The following PTPRD variants were observed in gnomAD, a reference collection of about 807,000 sequenced individuals.
The protein encoded by PTPRD is protein tyrosine phosphatase receptor type D.
A neutral mutation model predicts 214.5 loss-of-function variants in PTPRD; 34 were observed. The observed-to-expected ratio is 0.16, with a 90% CI of 0.12 to 0.21. The LOEUF is 0.21. Ranked by LOEUF, PTPRD falls within the 10% of genes least tolerant of loss-of-function variation. The pLI is 1.00. For missense variants in PTPRD, 2,545 were observed against 2,398.7 expected (o/e 1.06, Z -1.27); for synonymous variants, 1,128 against 845.7 (o/e 1.33, Z -5.79).
At chr9:9,599,680 T>C (rs1164313103) in intron 7 of PTPRD, among the ~76,000 whole-genome samples, 1 of 152,120 alleles carries the variant, frequency 6.6e-6, no homozygotes, top group Non-Finnish European at 1.5e-5. Context: ...CATGTCTTAA[T>C]TCATATTTCT....
chr9:10,456,915 G>C (rs989082395), intron 2 of PTPRD, among the ~76,000 whole-genome samples: 3 of 151,802 alleles, frequency 2.0e-5, no homozygotes, highest in Non-Finnish European at 4.4e-5. Flanking sequence ...GTTTAAATCA[G>C]TAGCTAGGAA....
At chr9:9,377,658 G>GA (rs2061142454) in intron 9 of PTPRD, among the ~76,000 whole-genome samples, 1 of 152,060 alleles carries the variant, frequency 6.6e-6, no homozygotes, top group Admixed American at 6.6e-5. Flanking sequence ...GGATGACTAT[G>GA]AAAAATCCCT....
intron 4 of PTPRD, among the ~76,000 whole-genome samples, chr9:9,947,464 CTATATAT>C (rs1308397966): frequency 1.1e-4 from 2 of 18,838 alleles, no homozygotes; most frequent in African/African-American, 3.5e-4. Context: ...TTTATATATA[CTATATAT>C]TATATATATT....
intron 7 of PTPRD, among the ~76,000 whole-genome samples, chr9:9,658,754 G>A (rs2096569018): frequency 6.6e-6 from 1 of 152,112 alleles, no homozygotes; most frequent in Admixed American, 6.6e-5. Context: ...CGGCACTGCT[G>A]GGAAATCTTT....
At chr9:8,934,577 C>G (rs776864364) in intron 11 of PTPRD, among the ~76,000 whole-genome samples, 3 of 134,582 alleles carry the variant, frequency 2.2e-5, no homozygotes, top group Non-Finnish European at 4.6e-5. Flanking sequence ...GAAATGATTA[C>G]CAGCATCAAG....
intron 7 of PTPRD, among the ~76,000 whole-genome samples, chr9:9,580,760 G>A (rs2090541140): frequency 1.3e-5 from 2 of 151,710 alleles, no homozygotes; most frequent in Admixed American, 1.3e-4. Flanking sequence ...CGTTGGCCAG[G>A]GTGGTCTCAA....
At chr9:10,118,358 TCA>T (rs2098748165) in intron 3 of PTPRD, among the ~76,000 whole-genome samples, 2 of 151,504 alleles carry the variant, frequency 1.3e-5, no homozygotes, top group Non-Finnish European at 3.0e-5. Flanking sequence ...TTTTTGGCAA[TCA>T]TGCCAAAAGA....
At chr9:9,215,406 T>G (rs1333795416) in intron 9 of PTPRD, among the ~76,000 whole-genome samples, 3 of 152,134 alleles carry the variant, frequency 2.0e-5, no homozygotes, top group Non-Finnish European at 1.5e-5. Flanking sequence ...AAAAATACCC[T>G]GCCTACCACA....
intron 12 of PTPRD, among the ~76,000 whole-genome samples, chr9:8,665,529 A>C (rs184531600): frequency 2.0e-5 from 3 of 152,228 alleles, no homozygotes; most frequent in African/African-American, 7.2e-5. Context: ...TCAACTGTTA[A>C]GTCACTTACC....
chr9:8,500,050 CAAA>C (rs34424655), intron 24 of PTPRD, among the ~76,000 whole-genome samples: 916 of 78,342 alleles, frequency 0.012, 10 homozygotes, highest in East Asian at 0.063. Flanking sequence ...ATGACCGATG[CAAA>C]AAAAAAAAAA....
intron 10 of PTPRD, among the ~76,000 whole-genome samples, chr9:9,112,769 G>C (rs950525459): frequency 6.6e-6 from 1 of 152,076 alleles, no homozygotes; most frequent in Non-Finnish European, 1.5e-5. Flanking sequence ...GGAAATCAGG[G>C]TTCTGAATCC....
intron 3 of PTPRD, among the ~76,000 whole-genome samples, chr9:10,222,136 T>G (rs928383738): frequency 5.3e-5 from 8 of 152,062 alleles, no homozygotes; most frequent in African/African-American, 1.7e-4. Flanking sequence ...AAACTGAAAG[T>G]TTTCAGAATT....
At position 8,642,429 on chromosome 9, in the gene PTPRD, T is replaced by C. The variant is rs866012615; in HGVS notation, c.65-5585A>G. Among the ~76,000 whole-genome samples, 19 of 152,322 alleles carry C rather than the reference T, an allele frequency of 1.2e-4. 1 individual carries two copies. Among genetic ancestry groups the C allele is most frequent in the Admixed American group, 9.2e-4 (14 of 15,300 alleles). Reference sequence around the variant, plus strand: ...AAATTTTTAAAGGGGAAGGTGAATATTGCTGTTAAATGAGACAGGGAGAGA... The same window carrying C: ...AAATTTTTAAAGGGGAAGGTGAATACTGCTGTTAAATGAGACAGGGAGAGA... On this transcript the variant is annotated intron_variant, in intron 12 of 45. Transcript: ENST00000381196.
At chr9:9,710,667 C>G (rs962685776) in intron 7 of PTPRD, among the ~76,000 whole-genome samples, 3 of 151,708 alleles carry the variant, frequency 2.0e-5, no homozygotes, top group African/African-American at 7.3e-5. Context: ...AAAAAATTAA[C>G]TAAATTCCAT....
chr9:8,943,679 G>C (rs1309570698), intron 11 of PTPRD, among the ~76,000 whole-genome samples: 2 of 148,992 alleles, frequency 1.3e-5, no homozygotes, highest in Admixed American at 1.4e-4. Context: ...AGAATAAATG[G>C]TTCTGGGAAA....
intron 11 of PTPRD, among the ~76,000 whole-genome samples, chr9:8,780,570 G>T (rs1415673840): frequency 6.6e-6 from 1 of 152,160 alleles, no homozygotes; most frequent in Non-Finnish European, 1.5e-5. Flanking sequence ...TTTCTGCCAA[G>T]CCAAGGTGCT....
chr9:9,661,093 C>A (rs1416598225), intron 7 of PTPRD, among the ~76,000 whole-genome samples: 1 of 151,934 alleles, frequency 6.6e-6, no homozygotes, highest in African/African-American at 2.4e-5. Context: ...AAACACTATT[C>A]TATTAATTTT....
intron 3 of PTPRD, among the ~76,000 whole-genome samples, chr9:10,072,785 G>C (rs1321045763): frequency 6.6e-6 from 1 of 152,112 alleles, no homozygotes; most frequent in African/African-American, 2.4e-5. Context: ...TAGTTGTGTA[G>C]TTTTCTGCAA....
chr9:8,451,606 G>A (rs1446445987), intron 33 of PTPRD, among the ~76,000 whole-genome samples: 1 of 152,160 alleles, frequency 6.6e-6, no homozygotes, highest in Non-Finnish European at 1.5e-5. Context: ...TTTTACCACT[G>A]AAGATGCAAA....
Sources: gnomAD v4.1 joint callset for allele counts (sites outside exome capture counted in the v4.1 genomes callset) on GRCh38, gnomAD v4.1.1 for gene constraint, MANE v1.5 for transcripts, NCBI Gene and HGNC (gene_info 2026-07-23, HGNC 2026-07-21) for gene names.